WDFY3: variants seen among roughly 807,000 people sequenced by gnomAD.
WDFY3 encodes WD repeat and FYVE domain containing 3, also known as WD repeat and FYVE domain-containing protein 3.
WDFY3 carries 66 observed loss-of-function variants against 409.6 expected under a neutral mutation model. The observed-to-expected ratio is 0.16, with a 90% CI of 0.13 to 0.20. The LOEUF is 0.20. Ranked by LOEUF, WDFY3 falls within the 10% of genes least tolerant of loss-of-function variation. WDFY3 has a pLI of 1.00. For missense variants in WDFY3, 3,031 were observed against 4,298.1 expected (o/e 0.71, Z 8.24); for synonymous variants, 1,521 against 1,537.1 (o/e 0.99, Z 0.25).
In WDFY3 at chr4:84,683,858, G is replaced by A. The variant is rs554962452; in HGVS notation, c.9726+85C>T. 4 of 1,381,268 alleles carry A rather than the reference G, an allele frequency of 2.9e-6. No homozygotes were observed. The African/African-American group carries it at 5.7e-5, about 20-fold the overall frequency. The allele number at this position is 1,381,268 out of a possible 1,614,324, so 85.6% of individuals were successfully genotyped here. On this transcript the variant is annotated intron_variant, in intron 63 of 67. Transcript: ENST00000295888. The stretch of plus-strand genomic sequence containing the variant: ...TCACTAAACATTACAACTTGTTCAG[G>A]TGTTCTTAACCTGTAATTAGCTACA...
chr4:84,892,773 T>C lies in WDFY3; in HGVS notation c.-32+4138A>G, dbSNP rs202016722. Among the ~76,000 whole-genome samples, 233 of 152,330 alleles carry C rather than the reference T, an allele frequency of 1.5e-3. 2 individuals carry two copies. Among genetic ancestry groups the C allele is most frequent in the African/African-American group, 5.3e-3 (222 of 41,582 alleles). The stretch of plus-strand genomic sequence containing the variant: ...TGTCCTTTTGGAGTTTAGATTCTCA[T>C]GAGACAGAGAATAAAATAAACAAAG... On this transcript the variant is annotated intron_variant, in intron 3 of 67. Coordinates refer to ENST00000295888, the MANE Select transcript of WDFY3 (RefSeq NM_014991.6).
chr4:84,675,678 T>C (rs1726149560), intron 67 of WDFY3, among the ~76,000 whole-genome samples: 1 of 152,208 alleles, frequency 6.6e-6, no homozygotes, highest in Non-Finnish European at 1.5e-5. Context: ...ACCTCAGGAA[T>C]GGACTCATAA....
chr4:84,751,276 T>C (rs1740470094), intron 36 of WDFY3: 1 of 601,090 alleles, frequency 1.7e-6, no homozygotes, highest in South Asian at 2.0e-5. Flanking sequence ...AGGACTGAAT[T>C]AGAGACATCC....
chr4:84,798,230 G>GT, intron 17 of WDFY3, 122 bp from the exon 18 acceptor site: 1 of 788,810 alleles, frequency 1.3e-6, no homozygotes, highest in South Asian at 2.0e-5. Context: ...AAAATGCAAA[G>GT]TATAATAAAA....
At chr4:84,781,387 C>CTTTTTTTTTTTTTTTTTTTTTTTTTT (rs200260886) in intron 25 of WDFY3, among the ~76,000 whole-genome samples, 1 of 145,100 alleles carries the variant, frequency 6.9e-6, no homozygotes, top group African/African-American at 2.6e-5. Flanking sequence ...CCTTCTTTCC[C>CTTTTTTTTTTTTTTTTTTTTTTTTTT]TTTTGTTTTT....
At position 84,753,819 on chromosome 4, in the gene WDFY3, G is replaced by C; in HGVS notation, c.5617C>G (p.Gln1873Glu). 1 of 1,610,676 alleles carries C rather than the reference G, an allele frequency of 6.2e-7. No individual in the cohort carries two copies. Among genetic ancestry groups the C allele is most frequent in the Non-Finnish European group, 8.5e-7 (1 of 1,178,602 alleles). Residue 1873 changes from glutamine (Q) to glutamate (E), a missense_variant, in exon 35 of 68, where the codon CAG becomes GAG. Physicochemically the swap from Gln to Glu is conservative, Grantham distance 29 (BLOSUM62 2). Around this residue, in one of 16 missense-constraint regions of WDFY3, gnomAD observed 342 missense variants for 463.7 expected, o/e 0.74. Transcript: ENST00000295888. ...WLREYPVTLM[Q>E]FFRYLYHNVP... ...TTGTGATACAAATATCTGAAGAACTGCATCAGGGTCACAGGATATTCTCGG... is the reference window on the plus strand; with the variant it reads ...TTGTGATACAAATATCTGAAGAACTCCATCAGGGTCACAGGATATTCTCGG...
chr4:84,802,115 C>T (rs988608807), intron 16 of WDFY3, among the ~76,000 whole-genome samples: 2 of 151,482 alleles, frequency 1.3e-5, no homozygotes, highest in Admixed American at 6.6e-5. Context: ...GCCCAGTTAA[C>T]TTTTGTATTT....
intron 2 of WDFY3, among the ~76,000 whole-genome samples, chr4:84,921,714 G>A (rs1769311441): frequency 8.4e-6 from 1 of 119,634 alleles, no homozygotes. Flanking sequence ...CTGGAGTGCT[G>A]TGACACAATC....
chr4:84,786,116 C>A lies in WDFY3; in HGVS notation c.3925G>T (p.Val1309Leu), dbSNP rs747811898. 29 of 1,605,714 alleles carry A rather than the reference C, an allele frequency of 1.8e-5. 1 individual carries two copies. The Admixed American group carries it at 2.4e-4, about 13-fold the overall frequency. Residue 1309 changes from valine to leucine, a missense_variant, in exon 24 of 68, where the codon GTG (valine) becomes TTG (leucine). Transcript: ENST00000295888. ...MPCKDAKSEG[V>L]VPSPVSLVPE... Reference sequence around the variant, plus strand: ...ACTAATGACACAGGGGATGGCACCACCCCTTCGGATTTTGCATCTTTACCT... The same window carrying A: ...ACTAATGACACAGGGGATGGCACCAACCCTTCGGATTTTGCATCTTTACCT...
At chr4:84,778,380 TAACATG>T in intron 27 of WDFY3, 117 bp downstream of exon 27, 4 of 884,796 alleles carry the variant, frequency 4.5e-6, no homozygotes, top group Non-Finnish European at 6.3e-6. Context: ...TAAATGATAT[TAACATG>T]AACATCATAA....
At chr4:84,812,912 C>G (rs1752733140) in intron 13 of WDFY3, among the ~76,000 whole-genome samples, 2 of 152,052 alleles carry the variant, frequency 1.3e-5, no homozygotes, top group African/African-American at 4.8e-5. Flanking sequence ...AAGTAGCAAA[C>G]ACCAAAGCTG....
intron 26 of WDFY3, 137 bp downstream of exon 26, chr4:84,779,971 T>C (rs543832222): frequency 1.0e-6 from 1 of 973,376 alleles, no homozygotes; most frequent in Middle Eastern, 3.6e-4. Flanking sequence ...TATATTAGTT[T>C]TCATAAAACT....
intron 46 of WDFY3, among the ~76,000 whole-genome samples, chr4:84,724,025 A>C (rs918788890): frequency 1.3e-5 from 2 of 152,234 alleles, no homozygotes. Flanking sequence ...CACTAATGAC[A>C]GGTTTAGTTT....
intron 3 of WDFY3, among the ~76,000 whole-genome samples, chr4:84,873,783 TG>T (rs1560975450): frequency 3.3e-5 from 5 of 151,590 alleles, no homozygotes; most frequent in African/African-American, 7.3e-5. Flanking sequence ...GTTTTTTTTT[TG>T]TTTGTTTGTT....
At chr4:84,798,873 C>G (rs1749977841) in intron 17 of WDFY3, among the ~76,000 whole-genome samples, 1 of 137,814 alleles carries the variant, frequency 7.3e-6, no homozygotes, top group South Asian at 2.3e-4. Flanking sequence ...GCTTAAGACT[C>G]TTCCATGGCT....
intron 32 of WDFY3, among the ~76,000 whole-genome samples, chr4:84,758,442 C>G (rs764038645): frequency 6.6e-6 from 1 of 152,074 alleles, no homozygotes; most frequent in Non-Finnish European, 1.5e-5. Context: ...GAGACAAGGT[C>G]TTGCTATGTT....
chr4:84,833,169 A>T (rs1039544597), intron 7 of WDFY3, among the ~76,000 whole-genome samples: 2 of 152,274 alleles, frequency 1.3e-5, no homozygotes, highest in East Asian at 1.9e-4. Flanking sequence ...AGAGCCTGCC[A>T]CTTGGGAATT....
chr4:84,828,477 T>C (rs1755186684), intron 9 of WDFY3, among the ~76,000 whole-genome samples: 1 of 152,216 alleles, frequency 6.6e-6, no homozygotes, highest in Non-Finnish European at 1.5e-5. Context: ...TTATCTAAAT[T>C]CTTCTCCCTC....
rs1305404369 is a variant in WDFY3, at chr4:84,890,007, G to A, written c.-32+6904C>T. ...TAATGGGCTTTCATGTATTACAGAG[G>A]CTATAAAACAAAATAAGCAAGGTTT... On this transcript the variant is annotated intron_variant, in intron 3 of 67. Transcript: ENST00000295888. Among the ~76,000 whole-genome samples the A allele has an allele frequency of 2.6e-5, 4 of 152,282 alleles. No homozygotes were observed. In the East Asian group the frequency reaches 5.8e-4, roughly 22 times the overall value.
Sources: gnomAD v4.1 joint callset for allele counts (sites outside exome capture counted in the v4.1 genomes callset) on GRCh38, gnomAD v4.1.1 for gene constraint, gnomAD v4.1.1 regional missense constraint, MANE v1.5 for transcripts, NCBI Gene and HGNC (gene_info 2026-07-23, HGNC 2026-07-21) for gene names.